Variants in MUC5B observed in about 807,000 individuals in gnomAD.
MUC5B encodes the protein mucin 5B, oligomeric mucus/gel-forming, also known as mucin-5B.
In MUC5B, 116 loss-of-function variants were observed where a neutral mutation model predicts 376.9. The ratio of observed to expected loss-of-function variants is 0.31; its 90% confidence interval spans 0.26 to 0.36. The LOEUF is 0.36. MUC5B is among the 10% of genes least tolerant of loss of function. The pLI, the probability that MUC5B is intolerant of heterozygous loss-of-function variation, is 1.00. For synonymous variants in MUC5B, 3,517 were observed against 3,390.9 expected (o/e 1.04, Z -1.29); for missense variants, 7,165 against 7,769.9 (o/e 0.92, Z 2.93).
Position 1,234,334 on chromosome 11 carries a change from G to GC in MUC5B, c.2478+30dup. On this transcript the variant is annotated intron_variant, in intron 20 of 48. Transcript: ENST00000529681. The surrounding 1 kb of genome is among the most constrained non-coding windows in gnomAD (Gnocchi z 6.3). ...AGTTCCATGCTTCAGGGAGGGGTGG[G>GC]CAGGGAAGGGGTCCCAGCTTTCCCA... The GC allele has an allele frequency of 3.6e-6, 4 of 1,106,378 alleles. No homozygotes were observed. The highest frequency in any genetic ancestry group is 5.5e-6 in the Non-Finnish European group (4 of 732,156). The allele number at this position is 1,106,378 out of a possible 1,614,324, so 68.5% of individuals were successfully genotyped here.
rs759557924 is a variant in MUC5B at position 1,252,366 on chromosome 11, G to A, written c.14887G>A (p.Asp4963Asn). ...AGGGGAAGTCATCTACAATAAGACCGACCGAGCCGGCTGCCATTTCTACGC... is the reference window on the plus strand; with the variant it reads ...AGGGGAAGTCATCTACAATAAGACCAACCGAGCCGGCTGCCATTTCTACGC... The part of the protein sequence containing the change: ...SPGEVIYNKT[D>N]RAGCHFYAVC... The change falls in exon 32 of 49, where the codon GAC (aspartate) becomes AAC (asparagine). Residue 4963 changes from aspartate (D) to asparagine (N), a missense_variant. Around this residue, in one of 31 missense-constraint regions of MUC5B, gnomAD observed 730 missense variants for 592.7 expected, o/e 1.23. Transcript: ENST00000529681. 5.1e-6 allele frequency: 8 copies of A among 1,575,922 alleles called. No individual in the cohort carries two copies. The Admixed American group carries it at 5.5e-5, about 11-fold the overall frequency.
rs55893724 is a variant in MUC5B at position 1,255,202 on chromosome 11, G to A, written c.15826G>A (p.Val5276Met). The stretch of plus-strand genomic sequence containing the variant: ...CCCCACTGCCAGCCCCGCAGCCCCG[G>A]TGTCTAGCACACCCACCCCCACCCC... ...TPPTASPAAP[V>M]SSTPTPTPCP... is the part of the protein sequence containing the mutation. The change falls in exon 36 of 49, where the codon GTG becomes ATG. Residue 5276 changes from valine (V) to methionine (M), a missense_variant. Val to Met is a conservative substitution (Grantham distance 21, BLOSUM62 1). Around this residue, in one of 31 missense-constraint regions of MUC5B, gnomAD observed 842 missense variants for 1,016.9 expected, o/e 0.83. Coordinates refer to ENST00000529681, the MANE Select transcript of MUC5B (RefSeq NM_002458.3). 1 of 1,547,980 alleles carries A rather than the reference G, an allele frequency of 6.5e-7. No individual in the cohort carries two copies. Among genetic ancestry groups the A allele is most frequent in the Non-Finnish European group, 8.7e-7 (1 of 1,145,292 alleles).
Position 1,250,116 on chromosome 11 carries a change from C to G in MUC5B, c.13236C>G (p.Ser4412=). ...TAATGPTATP[S]STPGTTWILT... Reference sequence around the variant, plus strand: ...CCACTGGCCCCACGGCCACCCCGTCCTCCACCCCAGGGACCACCTGGATCC... The same window carrying G: ...CCACTGGCCCCACGGCCACCCCGTCGTCCACCCCAGGGACCACCTGGATCC... The change falls in exon 31 of 49, where the codon TCC becomes TCG. Residue 4412 remains serine (S), a synonymous_variant. Transcript: ENST00000529681. 2 of 1,594,622 alleles carry G rather than the reference C, an allele frequency of 1.3e-6. No individual in the cohort carries two copies. Among genetic ancestry groups the G allele is most frequent in the Non-Finnish European group, 1.7e-6 (2 of 1,169,082 alleles).
intron 48 of MUC5B, among the ~76,000 whole-genome samples, chr11:1,261,000 G>A (rs999051635): frequency 6.6e-6 from 1 of 152,268 alleles, no homozygotes; most frequent in African/African-American, 2.4e-5. Flanking sequence ...CCCTGGGGAG[G>A]GTGGGTGGAA....
chr11:1,226,561 G>A lies in MUC5B; in HGVS notation c.200-54G>A. On this transcript the variant is annotated intron_variant, in intron 3 of 48. Coordinates refer to ENST00000529681, the MANE Select transcript of MUC5B (RefSeq NM_002458.3). ...ACCAGGGTGCCTCGGCCCAGGGGAG[G>A]CTACCCCGTGGGGGGCTGGCATGGG... 3.2e-6 allele frequency: 5 copies of A among 1,561,304 alleles called. No homozygotes were observed. The South Asian group carries it at 3.5e-5, about 11-fold the overall frequency.
At position 1,231,187 on chromosome 11, in the gene MUC5B, G is replaced by A. The variant is rs115150536; in HGVS notation, c.1540+182G>A. 3.6e-3 allele frequency among the ~76,000 whole-genome samples: 541 copies of A among 152,262 alleles called. 3 individuals are homozygous for A. Among genetic ancestry groups the A allele is most frequent in the African/African-American group, 0.012 (494 of 41,558 alleles). On this transcript the variant is annotated intron_variant, in intron 13 of 48. Transcript: ENST00000529681. ...GATGCCAGGCTCCCACCCCGGCAGC[G>A]GCAGGGACCCCACATCCAGCTCGCT... is the stretch of plus-strand genomic sequence containing the variant.
rs780164465 is a variant in MUC5B, at chr11:1,226,832, G to A, written c.417G>A (p.Leu139=). The part of the protein sequence containing the change: ...VTRVVIKAQG[L]VLEASNGSVL... ...GTGTTGTCATCAAGGCCCAGGGGCT[G>A]GTGCTGGAGGCGTCCAACGGCTCCG... is the stretch of plus-strand genomic sequence containing the variant. Residue 139 remains leucine (L), a synonymous_variant, in exon 4 of 49, where the codon CTG becomes CTA. Coordinates refer to ENST00000529681, the MANE Select transcript of MUC5B (RefSeq NM_002458.3). The A allele has an allele frequency of 5.0e-6, 8 of 1,609,966 alleles. No individual in the cohort carries two copies. The highest frequency in any genetic ancestry group is 6.8e-6 in the Non-Finnish European group (8 of 1,179,768).
chr11:1,252,400 A>G lies in MUC5B; in HGVS notation c.14921A>G (p.Asn4974Ser). The G allele has an allele frequency of 6.2e-7, 1 of 1,609,580 alleles. No homozygotes were observed. The highest frequency in any genetic ancestry group is 8.5e-7 in the Non-Finnish European group (1 of 1,178,186). Residue 4974 changes from asparagine to serine, a missense_variant, in exon 32 of 49, where the codon AAT becomes AGT. Asn to Ser is a conservative substitution (Grantham distance 46). Around this residue, in one of 31 missense-constraint regions of MUC5B, gnomAD observed 730 missense variants for 592.7 expected, o/e 1.23. Coordinates refer to ENST00000529681, the MANE Select transcript of MUC5B (RefSeq NM_002458.3). ...GGCTGCCATTTCTACGCAGTGTGCA[A>G]TCAGCACTGTGACATTGACCGCTTC... is the stretch of plus-strand genomic sequence containing the variant. ...RAGCHFYAVC[N>S]QHCDIDRFQG...
chr11:1,237,633 G>A (rs1245486504), intron 25 of MUC5B, among the ~76,000 whole-genome samples: 1 of 152,214 alleles, frequency 6.6e-6, no homozygotes, highest in Non-Finnish European at 1.5e-5. Context: ...ACTTTGGGAC[G>A]CTGAGGCAGG....
Position 1,247,693 on chromosome 11 carries a change from G to A in MUC5B, c.10813G>A (p.Gly3605Arg), listed in dbSNP as rs200676815. 1.4e-3 allele frequency: 2,220 copies of A among 1,583,980 alleles called. 95 individuals carry two copies. Among genetic ancestry groups the A allele is most frequent in the Non-Finnish European group, 1.7e-3 (2,012 of 1,160,330 alleles). Residue 3605 changes from glycine (G) to arginine (R), a missense_variant, in exon 31 of 49, where the codon GGA (glycine) becomes AGA (arginine). Transcript: ENST00000529681. Reference protein sequence around the residue: ...FDTYSNIRAAGGAVCEQPLGL... With the variant: ...FDTYSNIRAARGAVCEQPLGL... ...CACCTACTCCAACATCCGTGCGGCC[G>A]GAGGGGCAGTCTGTGAGCAGCCCCT...
chr11:1,261,791 A>G lies in MUC5B; in HGVS notation c.*183A>G, dbSNP rs1863002384. 1.4e-6 allele frequency: 1 copy of G among 721,960 alleles called. No individual in the cohort carries two copies. Among genetic ancestry groups the G allele is most frequent in the Non-Finnish European group, 2.5e-6 (1 of 404,776 alleles). 44.7% of individuals were successfully genotyped at this position (721,960 alleles called of 1,614,324 possible). A position where few individuals can be genotyped will look rare whatever the true frequency, so the allele number is the denominator to read the frequency against. Reference sequence around the variant, plus strand: ...CCCAGAAGGGTGAGGGGCCAGCAGGACCCCTTTCGGGAGGGCGCCACTCAG... The same window carrying G: ...CCCAGAAGGGTGAGGGGCCAGCAGGGCCCCTTTCGGGAGGGCGCCACTCAG... On this transcript the variant is annotated 3_prime_UTR_variant, in exon 49 of 49. Coordinates refer to ENST00000529681, the MANE Select transcript of MUC5B (RefSeq NM_002458.3).
intron 32 of MUC5B, 126 bp from the exon 33 acceptor site, chr11:1,252,683 T>G: frequency 7.1e-7 from 1 of 1,404,636 alleles, no homozygotes; most frequent in Non-Finnish European, 9.5e-7. Flanking sequence ...CAGGCTAGCA[T>G]GGGGGCCGCC....
rs772113675 is a variant in MUC5B, at chr11:1,261,512, C to T, written c.17193C>T (p.His5731=). Residue 5731 remains histidine (H), a synonymous_variant, in exon 49 of 49, where the codon CAC becomes CAT. Transcript: ENST00000529681. The part of the protein sequence containing the change: ...NGSAILHTYT[H]VDECGCTPFC... ...CAGCCATCCTGCACACCTACACCCA[C>T]GTGGATGAGTGTGGCTGCACGCCCT... 2.0e-5 allele frequency: 32 copies of T among 1,604,874 alleles called. No homozygotes were observed. The highest frequency in any genetic ancestry group is 6.7e-5 in the East Asian group (3 of 44,452).
chr11:1,230,904 A>G (rs1590169986), intron 12 of MUC5B, 32 bp from the exon 13 acceptor site: 7 of 1,561,600 alleles, frequency 4.5e-6, no homozygotes, highest in Non-Finnish European at 6.1e-6. Context: ...GTTCCTCCCC[A>G]GAGCTGACCT....
chr11:1,259,057 C>T lies in MUC5B; in HGVS notation c.16709C>T (p.Pro5570Leu), dbSNP rs1183429567. The change falls in exon 44 of 49, where the codon CCC becomes CTC. Residue 5570 changes from proline (P) to leucine (L), a missense_variant. Pro to Leu is a moderately conservative substitution (Grantham distance 98, BLOSUM62 -3). Transcript: ENST00000529681. ...QEDACNNTTCPQGFEYKRVAG... is the reference protein window; with the variant it reads ...QEDACNNTTCLQGFEYKRVAG... ...GATGCCTGCAACAATACTACCTGTC[C>T]CCAGGTGAGACCCGAGGCACCTGCC... The T allele has an allele frequency of 4.5e-6, 7 of 1,549,178 alleles. No individual in the cohort carries two copies. The highest frequency in any genetic ancestry group is 1.7e-6 in the Non-Finnish European group (2 of 1,146,768).
In MUC5B at chr11:1,249,462, C is replaced by T; in HGVS notation, c.12582C>T (p.Ser4194=). 6.2e-7 allele frequency: 1 copy of T among 1,611,464 alleles called. No homozygotes were observed. Among genetic ancestry groups the T allele is most frequent in the Non-Finnish European group, 8.5e-7 (1 of 1,179,648 alleles). Reference sequence around the variant, plus strand: ...AGTTGGGCCAGGTCGTGGAATGCAGCCTGGACTTTGGCCTGGTCTGCAGGA... The same window carrying T: ...AGTTGGGCCAGGTCGTGGAATGCAGTCTGGACTTTGGCCTGGTCTGCAGGA... ...LGELGQVVEC[S]LDFGLVCRNR... is the part of the protein sequence containing the mutation. Residue 4194 remains serine, a synonymous_variant, in exon 31 of 49, where the codon AGC becomes AGT. Transcript: ENST00000529681.
chr11:1,247,911 C>A lies in MUC5B; in HGVS notation c.11031C>A (p.Thr3677=). 5.0e-6 allele frequency: 8 copies of A among 1,611,872 alleles called. 1 individual carries two copies. Among genetic ancestry groups the A allele is most frequent in the South Asian group, 1.1e-5 (1 of 91,032 alleles). ...NYGHCPSTPA[T]SSTATPSSTP... ...GCCACTGCCCCAGCACCCCGGCCAC[C>A]AGCTCTACGGCCACGCCCTCCTCAA... Residue 3677 remains threonine, a synonymous_variant, in exon 31 of 49, where the codon ACC becomes ACA. Coordinates refer to ENST00000529681, the MANE Select transcript of MUC5B (RefSeq NM_002458.3).
chr11:1,228,142 G>A (rs2672812), intron 7 of MUC5B, among the ~76,000 whole-genome samples: 77,423 of 151,972 alleles, frequency 0.51, 19,972 homozygotes, highest in East Asian at 0.64. Flanking sequence ...TGAGCCTTAA[G>A]TTGTGCTGTG....
In MUC5B at chr11:1,247,479, C is replaced by G. The variant is rs755401248; in HGVS notation, c.10599C>G (p.Thr3533=). The change falls in exon 31 of 49, where the codon ACC becomes ACG. Residue 3533 remains threonine (T), a synonymous_variant. Coordinates refer to ENST00000529681, the MANE Select transcript of MUC5B (RefSeq NM_002458.3). The part of the protein sequence containing the change: ...PSPGTTTPGH[T]RGTSRTTATA... ...CAGGGACGACCACCCCGGGCCACAC[C>G]AGGGGCACCTCCAGGACCACAGCCA... The G allele has an allele frequency of 1.9e-6, 3 of 1,608,252 alleles. No homozygotes were observed. Among genetic ancestry groups the G allele is most frequent in the Non-Finnish European group, 1.7e-6 (2 of 1,177,570 alleles).
Sources: allele counts gnomAD v4.1 joint callset (sites outside exome capture counted in the v4.1 genomes callset), GRCh38; gene constraint gnomAD v4.1.1; regional missense constraint gnomAD v4.1.1; non-coding constraint Gnocchi (gnomAD v3.1); transcripts MANE v1.5; gene names NCBI Gene and HGNC (gene_info 2026-07-23, HGNC 2026-07-21).